Variants in HS6ST2 observed in about 807,000 individuals in gnomAD.
HS6ST2 encodes the protein heparan sulfate 6-O-sulfotransferase 2.
HS6ST2 carries 17 observed loss-of-function variants against 33.0 expected under a neutral mutation model. That is an observed-to-expected ratio of 0.52 (90% CI 0.35 to 0.77). The LOEUF (loss-of-function observed/expected upper bound fraction) is 0.77, where lower values mean the gene tolerates loss of function less well. Among genes scored for constraint, HS6ST2 ranks in the 30% least tolerant of loss-of-function variants. The probability of loss-of-function intolerance (pLI) is 0.01; values close to 1 mark genes in which losing one functional copy is unlikely to be tolerated. For missense variants in HS6ST2, 519 were observed against 551.7 expected (o/e 0.94, Z 0.59); for synonymous variants, 248 against 237.1 (o/e 1.05, Z -0.42).
intron 4 of HS6ST2, among the ~76,000 whole-genome samples, chrX:132,643,368 T>A (rs1250802475): frequency 1.8e-5 from 2 of 111,442 alleles, no homozygotes; most frequent in Non-Finnish European, 3.8e-5. Flanking sequence ...GAGCTCTGGA[T>A]TACTCTCTCG....
At chrX:132,860,777 C>CTTTTT (rs58059164) in intron 2 of HS6ST2, among the ~76,000 whole-genome samples, 1 of 52,896 alleles carries the variant, frequency 1.9e-5, no homozygotes, top group East Asian at 5.3e-4. Context: ...GCATGTGTAT[C>CTTTTT]TTTTTTTTTT....
intron 2 of HS6ST2, among the ~76,000 whole-genome samples, chrX:132,867,149 G>T (rs1487330478): frequency 1.3e-3 from 133 of 104,089 alleles, no homozygotes; most frequent in African/African-American, 3.8e-3. Context: ...TTTGAGATAG[G>T]TCCCATCAAT....
intron 2 of HS6ST2, among the ~76,000 whole-genome samples, chrX:132,767,672 T>A (rs1416830007): frequency 9.0e-6 from 1 of 111,556 alleles, no homozygotes; most frequent in African/African-American, 3.3e-5. Context: ...ATGCTGAGAT[T>A]GCAGGCATGA....
chrX:132,949,055 G>T (rs181534580), intron 2 of HS6ST2, among the ~76,000 whole-genome samples: 21 of 111,581 alleles, frequency 1.9e-4, no homozygotes, highest in African/African-American at 6.8e-4. Context: ...TTAACTGGGG[G>T]TAATACTCTT....
intron 2 of HS6ST2, among the ~76,000 whole-genome samples, chrX:132,776,180 G>C (rs2064956526): frequency 8.9e-6 from 1 of 111,963 alleles, no homozygotes; most frequent in African/African-American, 3.2e-5. Flanking sequence ...CGGCAAAATT[G>C]ATTGAGAACA....
intron 2 of HS6ST2, among the ~76,000 whole-genome samples, chrX:132,853,334 T>G (rs2148409772): frequency 9.4e-6 from 1 of 106,485 alleles, no homozygotes; most frequent in East Asian, 3.0e-4. Context: ...TTTTTTTTCT[T>G]TTTTTTTAGA....
At chrX:132,701,074 G>A (rs2064140624) in intron 3 of HS6ST2, among the ~76,000 whole-genome samples, 1 of 112,074 alleles carries the variant, frequency 8.9e-6, no homozygotes, top group African/African-American at 3.2e-5. Flanking sequence ...AAAATTCAGC[G>A]AGTTTAGTTA....
chrX:132,739,549 T>G (rs1055449367), intron 2 of HS6ST2, among the ~76,000 whole-genome samples: 6 of 110,023 alleles, frequency 5.5e-5, no homozygotes, highest in Admixed American at 4.9e-4. Flanking sequence ...ACTCCGTTTC[T>G]ACTAAAAATA....
chrX:132,775,560 C>A (rs1262011200), intron 2 of HS6ST2, among the ~76,000 whole-genome samples: 1 of 111,707 alleles, frequency 9.0e-6, no homozygotes, highest in African/African-American at 3.3e-5. Flanking sequence ...AGACATAATG[C>A]AAGAAAACGG....
At chrX:132,874,751 A>G (rs2066094845) in intron 2 of HS6ST2, among the ~76,000 whole-genome samples, 1 of 111,069 alleles carries the variant, frequency 9.0e-6, no homozygotes, top group African/African-American at 3.3e-5. Flanking sequence ...ATGTGTTTCC[A>G]CCCTTTCCAA....
chrX:132,702,694 T>G (rs1393295049), intron 3 of HS6ST2, among the ~76,000 whole-genome samples: 1 of 112,025 alleles, frequency 8.9e-6, no homozygotes, highest in Non-Finnish European at 1.9e-5. Flanking sequence ...ACTCTCCAAC[T>G]GTCTGACCAT....
intron 2 of HS6ST2, among the ~76,000 whole-genome samples, chrX:132,830,581 T>C (rs1289654746): frequency 1.8e-5 from 2 of 112,374 alleles, no homozygotes; most frequent in African/African-American, 6.5e-5. Flanking sequence ...TTCTTACATT[T>C]TAAACACAAA....
chrX:132,793,113 T>TGCA (rs1218377138), intron 2 of HS6ST2, among the ~76,000 whole-genome samples: 2 of 87,902 alleles, frequency 2.3e-5, no homozygotes, highest in African/African-American at 9.1e-5. Context: ...CAGGCTGGAG[T>TGCA]GCAGTGGCGC....
At chrX:132,806,470 G>C (rs1354126152) in intron 2 of HS6ST2, among the ~76,000 whole-genome samples, 1 of 109,854 alleles carries the variant, frequency 9.1e-6, no homozygotes, top group Non-Finnish European at 1.9e-5. Context: ...AATAATTCCT[G>C]AACTATCTAT....
intron 2 of HS6ST2, among the ~76,000 whole-genome samples, chrX:132,819,821 T>C (rs1038816242): frequency 8.9e-6 from 1 of 112,340 alleles, no homozygotes; most frequent in Non-Finnish European, 1.9e-5. Context: ...CTGCTGCATA[T>C]ATGATAGCAT....
intron 2 of HS6ST2, among the ~76,000 whole-genome samples, chrX:132,936,842 T>C (rs749348918): frequency 9.2e-6 from 1 of 108,176 alleles, no homozygotes; most frequent in South Asian, 4.1e-4. Context: ...CATGTACACT[T>C]GAACCTAAAA....
intron 4 of HS6ST2, among the ~76,000 whole-genome samples, chrX:132,664,536 G>A (rs1335501137): frequency 3.6e-5 from 4 of 111,780 alleles, no homozygotes; most frequent in Non-Finnish European, 7.5e-5. Flanking sequence ...AGTAAGCAGG[G>A]TTTGACTTGA....
intron 2 of HS6ST2, among the ~76,000 whole-genome samples, chrX:132,947,228 T>C (rs994876701): frequency 1.2e-4 from 13 of 110,128 alleles, no homozygotes; most frequent in Non-Finnish European, 2.1e-4. Context: ...TGTGTGTGTG[T>C]GCGTGTATGT....
intron 4 of HS6ST2, among the ~76,000 whole-genome samples, chrX:132,652,075 T>G (rs966378454): frequency 4.5e-5 from 5 of 111,584 alleles, no homozygotes; most frequent in African/African-American, 1.6e-4. Flanking sequence ...AGAGGCCCAT[T>G]TCTCATTTAG....
Sources: allele counts gnomAD v4.1 joint callset (sites outside exome capture counted in the v4.1 genomes callset), GRCh38; gene constraint gnomAD v4.1.1; transcripts MANE v1.5; gene names NCBI Gene and HGNC (gene_info 2026-07-23, HGNC 2026-07-21).